The following KIF16B variants were observed in gnomAD, a reference collection of about 807,000 sequenced individuals.
The protein encoded by KIF16B is kinesin-like protein KIF16B.
KIF16B carries 98 observed loss-of-function variants against 156.3 expected under a neutral mutation model. That is an observed-to-expected ratio of 0.63 (90% CI 0.53 to 0.74). KIF16B has a LOEUF of 0.74. Among genes scored for constraint, KIF16B ranks in the 30% least tolerant of loss-of-function variants. The pLI, the probability that KIF16B is intolerant of heterozygous loss-of-function variation, is 0.00. For missense variants in KIF16B, 1,421 were observed against 1,606.5 expected (o/e 0.88, Z 1.97); for synonymous variants, 564 against 583.7 (o/e 0.97, Z 0.49).
intron 15 of KIF16B, among the ~76,000 whole-genome samples, chr20:16,406,902 G>A (rs113628699): frequency 2.0e-5 from 3 of 152,256 alleles, no homozygotes; most frequent in African/African-American, 4.8e-5. Flanking sequence ...AAAAGAAAAC[G>A]TATGGAATTG....
intron 25 of KIF16B, among the ~76,000 whole-genome samples, chr20:16,274,594 C>A (rs1281808278): frequency 2.0e-5 from 3 of 152,216 alleles, no homozygotes; most frequent in African/African-American, 7.2e-5. Context: ...TTAGGAATTA[C>A]ACATAATAAT....
chr20:16,537,407 A>G (rs79983687), intron 1 of KIF16B, among the ~76,000 whole-genome samples: 4,200 of 151,988 alleles, frequency 0.028, 189 homozygotes, highest in African/African-American at 0.096. Flanking sequence ...TGTCTCATCC[A>G]CCAGACTCTT....
At chr20:16,294,064 G>A (rs1403344394) in intron 25 of KIF16B, among the ~76,000 whole-genome samples, 3 of 152,128 alleles carry the variant, frequency 2.0e-5, no homozygotes, top group Admixed American at 1.3e-4. Flanking sequence ...ATACCAAAAT[G>A]AAAGAGTTGC....
chr20:16,327,068 TACACACACAC>T (rs35869892), intron 24 of KIF16B, among the ~76,000 whole-genome samples: 12,799 of 142,976 alleles, frequency 0.09, 609 homozygotes, highest in African/African-American at 0.14. Flanking sequence ...TGTATACATG[TACACACACAC>T]ACACACACAC....
At chr20:16,431,938 A>ACACACACACACACG (rs1163376065) in intron 12 of KIF16B, among the ~76,000 whole-genome samples, 2 of 150,262 alleles carry the variant, frequency 1.3e-5, no homozygotes, top group African/African-American at 2.4e-5. Flanking sequence ...ACACACACAC[A>ACACACACACACACG]CGCACAAGTT....
chr20:16,558,897 C>CAAAAAAAA (rs11478258), intron 1 of KIF16B, among the ~76,000 whole-genome samples: 3 of 62,060 alleles, frequency 4.8e-5, no homozygotes, highest in Non-Finnish European at 8.7e-5. Flanking sequence ...GAGCAAGACT[C>CAAAAAAAA]AAAAAAAAAA....
intron 5 of KIF16B, 21 bp downstream of exon 5, chr20:16,512,805 T>C (rs758929518): frequency 6.4e-7 from 1 of 1,560,278 alleles, no homozygotes; most frequent in South Asian, 1.1e-5. Flanking sequence ...CACACACAGT[T>C]ACCCAGGCCA....
At chr20:16,469,146 G>A (rs1009212925) in intron 12 of KIF16B, among the ~76,000 whole-genome samples, 3 of 151,720 alleles carry the variant, frequency 2.0e-5, no homozygotes, top group Non-Finnish European at 2.9e-5. Flanking sequence ...CAGCTACTTG[G>A]GAAGCTGAGG....
intron 1 of KIF16B, among the ~76,000 whole-genome samples, chr20:16,538,595 G>C (rs1248334788): frequency 1.3e-5 from 2 of 152,086 alleles, no homozygotes; most frequent in East Asian, 3.8e-4. Flanking sequence ...ATCAATATGG[G>C]GGGAGGAGGA....
In KIF16B at chr20:16,379,129, T is replaced by C. The variant is rs374838441; in HGVS notation, c.2873A>G (p.Gln958Arg). The C allele has an allele frequency of 1.2e-6, 2 of 1,614,258 alleles. No homozygotes were observed. The highest frequency in any genetic ancestry group is 4.5e-5 in the East Asian group (2 of 44,892). The change falls in exon 19 of 26, where the codon CAG (glutamine) becomes CGG (arginine). Residue 958 changes from glutamine (Q) to arginine (R), a missense_variant. Gln to Arg is a conservative substitution (Grantham distance 43). Transcript: ENST00000354981. ...CAGCTGGTTTGCATTGGCCTGGTAC[T>C]GTGCAAGCTGTTCTTCTTTTTCTTC... is the stretch of plus-strand genomic sequence containing the variant. ...EMEEKEEQLA[Q>R]YQANANQLQK...
Position 16,278,989 on chromosome 20 carries a change from C to T in KIF16B, c.3796-5578G>A, listed in dbSNP as rs6043848. Among the ~76,000 whole-genome samples, 724 of 152,262 alleles carry T rather than the reference C, an allele frequency of 4.8e-3. 4 individuals carry two copies. Among genetic ancestry groups the T allele is most frequent in the African/African-American group, 0.016 (654 of 41,558 alleles). ...CAGAGTTAAAAGTTCTTTACAAACA[C>T]GGGGAAGGTCCTGTTTCTCTGCAAG... On this transcript the variant is annotated intron_variant, in intron 25 of 25. Coordinates refer to ENST00000354981, the MANE Select transcript of KIF16B (RefSeq NM_024704.5).
In KIF16B at chr20:16,497,664, G is replaced by T; in HGVS notation, c.1191C>A (p.Asp397Glu). 6.2e-7 allele frequency: 1 copy of T among 1,608,976 alleles called. No individual in the cohort carries two copies. Among genetic ancestry groups the T allele is most frequent in the South Asian group, 1.1e-5 (1 of 90,926 alleles). ...LAQGNQIALL[D>E]SPTALSMEEK... ...CCTCCATACTTAAAGCTGTGGGGGA[G>T]TCTAAGAGGGCAATCTACAATATAA... Residue 397 changes from aspartate (D) to glutamate (E), a missense_variant, in exon 11 of 26, where the codon GAC (aspartate) becomes GAA (glutamate). Physicochemically the swap from Asp to Glu is conservative, Grantham distance 45. Transcript: ENST00000354981.
Position 16,356,378 on chromosome 20 carries a change from G to A in KIF16B, c.3573C>T (p.Tyr1191=), listed in dbSNP as rs368588756. 4.9e-5 allele frequency: 79 copies of A among 1,614,054 alleles called. No homozygotes were observed. Among genetic ancestry groups the A allele is most frequent in the East Asian group, 6.7e-5 (3 of 44,890 alleles). ...KDPIKISIPR[Y]VLCGQGKDAH... ...CATCCTTTCCTTGCCCGCAGAGGACGTAGCGTGGGATACTAATTTTAATTG... is the reference window on the plus strand; with the variant it reads ...CATCCTTTCCTTGCCCGCAGAGGACATAGCGTGGGATACTAATTTTAATTG... The change falls in exon 23 of 26, where the codon TAC becomes TAT. Residue 1191 remains tyrosine, a synonymous_variant. Coordinates refer to ENST00000354981, the MANE Select transcript of KIF16B (RefSeq NM_024704.5).
intron 10 of KIF16B, 73 bp downstream of exon 10, chr20:16,504,299 T>C (rs957854878): frequency 6.9e-6 from 10 of 1,445,710 alleles, no homozygotes; most frequent in Middle Eastern, 1.8e-4. Context: ...AGTGAGAAAA[T>C]TGTCTCATTA....
At chr20:16,318,554 T>C (rs1324383130) in intron 24 of KIF16B, among the ~76,000 whole-genome samples, 1 of 151,922 alleles carries the variant, frequency 6.6e-6, no homozygotes, top group African/African-American at 2.4e-5. Flanking sequence ...AGACGCGGTG[T>C]CTCAAAGGAA....
chr20:16,553,995 C>A (rs927907973), intron 1 of KIF16B, among the ~76,000 whole-genome samples: 1 of 152,242 alleles, frequency 6.6e-6, no homozygotes, highest in African/African-American at 2.4e-5. Context: ...GGGAGGGAGG[C>A]TGAGGTGGGG....
chr20:16,465,590 T>C (rs998093055), intron 12 of KIF16B, among the ~76,000 whole-genome samples: 2 of 152,242 alleles, frequency 1.3e-5, no homozygotes, highest in Non-Finnish European at 2.9e-5. Context: ...TGAATTATCT[T>C]ATATAATTCA....
chr20:16,279,633 C>T (rs965005976), intron 25 of KIF16B, among the ~76,000 whole-genome samples: 3 of 152,126 alleles, frequency 2.0e-5, no homozygotes, highest in Admixed American at 6.6e-5. Flanking sequence ...ACGCTCTTCT[C>T]TTAGGAAAAG....
At chr20:16,528,487 A>AAAAAC in intron 1 of KIF16B, 47 bp from the exon 2 acceptor site, 1 of 1,350,158 alleles carries the variant, frequency 7.4e-7, no homozygotes, top group Non-Finnish European at 1.1e-6. Flanking sequence ...AAAGATTATT[A>AAAAAC]AAAACAAAAC....
Sources: gnomAD v4.1 joint callset for allele counts (sites outside exome capture counted in the v4.1 genomes callset) on GRCh38, gnomAD v4.1.1 for gene constraint, MANE v1.5 for transcripts, NCBI Gene and HGNC (gene_info 2026-07-23, HGNC 2026-07-21) for gene names.